Variants in EDEM2 observed in about 807,000 individuals in gnomAD.
EDEM2 encodes ER degradation-enhancing alpha-mannosidase-like protein 2.
In EDEM2, 39 loss-of-function variants were observed where a neutral mutation model predicts 64.8. The observed-to-expected ratio is 0.60, with a 90% CI of 0.47 to 0.79. The LOEUF (loss-of-function observed/expected upper bound fraction) is 0.79. EDEM2 is among the 30% of genes least tolerant of loss of function. The pLI is 0.00. For missense variants in EDEM2, 609 were observed against 731.3 expected, an observed-to-expected ratio of 0.83 and a Z score of 1.93; for synonymous variants, 296 against 291.5, an observed-to-expected ratio of 1.02 and a Z score of -0.16.
At chr20:35,119,211 C>T (rs2085341542) in intron 9 of EDEM2, among the ~76,000 whole-genome samples, 1 of 152,124 alleles carries the variant, frequency 6.6e-6, no homozygotes. Flanking sequence ...AGAGTCTAAC[C>T]TAATTCTAAA....
At chr20:35,146,744 A>G (rs2085738097) in intron 2 of EDEM2, 81 bp downstream of exon 2, 2 of 1,465,522 alleles carry the variant, frequency 1.4e-6, no homozygotes, top group Non-Finnish European at 1.9e-6. Flanking sequence ...GAGACCATGA[A>G]GCCACCAGCC....
rs779966298 is a variant in EDEM2, at chr20:35,117,668, A to AAGG, written c.1236+929_1236+930insCCT. On this transcript the variant is annotated intron_variant, in intron 10 of 10. Coordinates refer to ENST00000374492, the MANE Select transcript of EDEM2 (RefSeq NM_018217.3). ...TCACATTACAAACTTTTGCAAAATA[A>AAGG]GTGTTTTGTTGTTGTTTTGAATTCC... 3.3e-4 allele frequency among the ~76,000 whole-genome samples: 50 copies of AAGG among 152,308 alleles called. 1 individual carries two copies. The highest frequency in any genetic ancestry group is 7.3e-5 in the Non-Finnish European group (5 of 68,034).
intron 7 of EDEM2, among the ~76,000 whole-genome samples, chr20:35,128,147 A>G (rs576358595): frequency 1.3e-5 from 2 of 152,260 alleles, no homozygotes; most frequent in South Asian, 4.1e-4. Flanking sequence ...GCACTTTGGG[A>G]GGGCGAGGTG....
In EDEM2 at chr20:35,129,401, T is replaced by G. The variant is rs546142512; in HGVS notation, c.844+2241A>C. Among the ~76,000 whole-genome samples, 9 of 150,792 alleles carry G rather than the reference T, an allele frequency of 6.0e-5. No individual in the cohort carries two copies. In the East Asian group the frequency reaches 9.9e-4, roughly 17 times the overall value. On this transcript the variant is annotated intron_variant, in intron 7 of 10. Coordinates refer to ENST00000374492, the MANE Select transcript of EDEM2 (RefSeq NM_018217.3). ...CAGCCTGGGCAACAGAGTGAGACTC[T>G]GTCTTTAAAGAAAAAAAAAATCAGC...
chr20:35,147,249 G>T lies in EDEM2; in HGVS notation c.10C>A (p.Arg4=). The T allele has an allele frequency of 6.3e-7, 1 of 1,587,160 alleles. No homozygotes were observed. The highest frequency in any genetic ancestry group is 1.7e-5 in the Admixed American group (1 of 57,658). ...AGGAGGCCGAGCGGGATGAGCAGCC[G>T]GAAAGGCATAGAGCTCGTGTCCTCT... is the stretch of plus-strand genomic sequence containing the variant. MPF[R]LLIPLGLLCA... The change falls in exon 1 of 11, where the codon CGG becomes AGG. Residue 4 remains arginine (R), a synonymous_variant. Coordinates refer to ENST00000374492, the MANE Select transcript of EDEM2 (RefSeq NM_018217.3).
rs1440869191 is a variant in EDEM2 at position 35,115,807 on chromosome 20, C to A, written c.1363G>T (p.Asp455Tyr). The A allele has an allele frequency of 6.2e-7, 1 of 1,613,784 alleles. No homozygotes were observed. The highest frequency in any genetic ancestry group is 8.5e-7 in the Non-Finnish European group (1 of 1,180,026). The change falls in exon 11 of 11, where the codon GAC (aspartate) becomes TAC (tyrosine). Residue 455 changes from aspartate to tyrosine, a missense_variant. By Grantham distance (160) the Asp-to-Tyr change is radical. Coordinates refer to ENST00000374492, the MANE Select transcript of EDEM2 (RefSeq NM_018217.3). ...NFIHNNGSTFDAVITPYGECI... is the reference protein window; with the variant it reads ...NFIHNNGSTFYAVITPYGECI... ...TCCCCATAGGGGGTGATCACCGCGT[C>A]GAAGGTGGACCCATTGTTGTGGATG...
At chr20:35,145,673 G>C (rs1284972764) in intron 2 of EDEM2, among the ~76,000 whole-genome samples, 2 of 152,180 alleles carry the variant, frequency 1.3e-5, no homozygotes. Context: ...TTTTTAAAGT[G>C]ACAGAAGTGT....
At chr20:35,136,752 C>G (rs6120846) in intron 5 of EDEM2, among the ~76,000 whole-genome samples, 5 of 82,482 alleles carry the variant, frequency 6.1e-5, no homozygotes, top group African/African-American at 2.2e-4. Flanking sequence ...AAGACCCTGT[C>G]TGAAAAAAAA....
At chr20:35,140,311 C>T (rs1369987281) in intron 4 of EDEM2, among the ~76,000 whole-genome samples, 1 of 152,126 alleles carries the variant, frequency 6.6e-6, no homozygotes, top group Non-Finnish European at 1.5e-5. Flanking sequence ...TGGTGAAACA[C>T]CATCTCTACT....
At position 35,147,149 on chromosome 20, in the gene EDEM2, C is replaced by T; in HGVS notation, c.107+3G>A. 1 of 1,600,812 alleles carries T rather than the reference C, an allele frequency of 6.2e-7. No homozygotes were observed. The highest frequency in any genetic ancestry group is 8.5e-7 in the Non-Finnish European group (1 of 1,171,882). On this transcript the variant is annotated splice_donor_region_variant and intron_variant, in intron 1 of 10. Transcript: ENST00000374492. The stretch of plus-strand genomic sequence containing the variant: ...AACTGCGAAAGGGCGGGTCACAGTT[C>T]ACCTGTAGTGGGCGGGATCTGGCGC...
rs73903020 is a variant in EDEM2, at chr20:35,145,222, T to A, written c.219-204A>T. Among the ~76,000 whole-genome samples, 1,265 of 152,344 alleles carry A rather than the reference T, an allele frequency of 8.3e-3. 21 individuals are homozygous for A. Among genetic ancestry groups the A allele is most frequent in the African/African-American group, 0.029 (1,200 of 41,576 alleles). ...ATGCACCTGGGAGGGTTGGCTGATG[T>A]AGCTCAATTGTAATTAAATACATCA... is the stretch of plus-strand genomic sequence containing the variant. On this transcript the variant is annotated intron_variant, in intron 2 of 10. Transcript: ENST00000374492.
chr20:35,123,899 G>T lies in EDEM2; in HGVS notation c.1105C>A (p.Leu369Ile). Residue 369 changes from leucine (L) to isoleucine (I), a missense_variant, in exon 9 of 11, where the codon CTT becomes ATT. By Grantham distance (5) the Leu-to-Ile change is conservative (BLOSUM62 2). Coordinates refer to ENST00000374492, the MANE Select transcript of EDEM2 (RefSeq NM_018217.3). The part of the protein sequence containing the change: ...YTVEKREGYP[L>I]RPELIESAMY... The stretch of plus-strand genomic sequence containing the variant: ...CAGAAATGCTGCTCACCTGGCCGAA[G>T]TGGGTAGCCCTCTCGCTTCTCCACT... 1.9e-6 allele frequency: 3 copies of T among 1,613,790 alleles called. No homozygotes were observed. The highest frequency in any genetic ancestry group is 2.5e-6 in the Non-Finnish European group (3 of 1,179,872).
chr20:35,120,471 A>G, intron 9 of EDEM2, among the ~76,000 whole-genome samples: 1 of 152,084 alleles, frequency 6.6e-6, no homozygotes, highest in Non-Finnish European at 1.5e-5. Flanking sequence ...CTAATTGCTC[A>G]TATTCTAAGG....
Position 35,134,952 on chromosome 20 carries a change from G to A in EDEM2, c.491-3C>T. 6.2e-7 allele frequency: 1 copy of A among 1,613,654 alleles called. No homozygotes were observed. The highest frequency in any genetic ancestry group is 8.5e-7 in the Non-Finnish European group (1 of 1,180,002). ...CATGCCAGTGGGGGTCTGAAAGGCTGAACAATCGACAAATTATGATCCCGG... is the reference window on the plus strand; with the variant it reads ...CATGCCAGTGGGGGTCTGAAAGGCTAAACAATCGACAAATTATGATCCCGG... On this transcript the variant is annotated splice_region_variant and splice_polypyrimidine_tract_variant and intron_variant, in intron 5 of 10. Transcript: ENST00000374492.
At chr20:35,125,426 C>G (rs964818569) in intron 8 of EDEM2, among the ~76,000 whole-genome samples, 3 of 151,866 alleles carry the variant, frequency 2.0e-5, no homozygotes, top group African/African-American at 7.3e-5. Flanking sequence ...GCTCTGTCAT[C>G]CAGGCTGGAG....
chr20:35,120,012 A>G (rs1411380128), intron 9 of EDEM2, among the ~76,000 whole-genome samples: 2 of 152,052 alleles, frequency 1.3e-5, no homozygotes, highest in Non-Finnish European at 2.9e-5. Context: ...GGGCTTGATC[A>G]GTGCTTCTGT....
intron 3 of EDEM2, among the ~76,000 whole-genome samples, chr20:35,143,051 T>C (rs2085679912): frequency 6.6e-6 from 1 of 152,214 alleles, no homozygotes; most frequent in Non-Finnish European, 1.5e-5. Context: ...CGACCGCACC[T>C]GGCCAAAAGT....
intron 10 of EDEM2, 92 bp downstream of exon 10, chr20:35,118,506 T>TA (rs761436758): frequency 4.4e-4 from 688 of 1,574,658 alleles, no homozygotes; most frequent in Non-Finnish European, 5.7e-4. Context: ...CTAGTGCTGA[T>TA]ATGTCAGAAC....
At chr20:35,126,042 T>C (rs1204680319) in intron 8 of EDEM2, among the ~76,000 whole-genome samples, 1 of 152,208 alleles carries the variant, frequency 6.6e-6, no homozygotes, top group Admixed American at 6.5e-5. Context: ...TAACACTCCA[T>C]GGCAAACTGG....
Sources: gnomAD v4.1 joint callset for allele counts (sites outside exome capture counted in the v4.1 genomes callset) on GRCh38, gnomAD v4.1.1 for gene constraint, MANE v1.5 for transcripts, NCBI Gene and HGNC (gene_info 2026-07-23, HGNC 2026-07-21) for gene names.